THSD7B: variants seen among roughly 807,000 people sequenced by gnomAD.
THSD7B encodes thrombospondin type 1 domain containing 7B.
THSD7B carries 138 observed loss-of-function variants against 213.6 expected under a neutral mutation model. That is an observed-to-expected ratio of 0.65 (90% CI 0.56 to 0.74). The LOEUF is 0.74. Among genes scored for constraint, THSD7B ranks in the 30% least tolerant of loss-of-function variants. The pLI is 0.00. For synonymous variants in THSD7B, 742 were observed against 687.0 expected (o/e 1.08, Z -1.25); for missense variants, 1,931 against 1,991.5 (o/e 0.97, Z 0.58).
chr2:137,558,883 A>C (rs1212640654), intron 15 of THSD7B, among the ~76,000 whole-genome samples: 5 of 152,232 alleles, frequency 3.3e-5, no homozygotes, highest in Non-Finnish European at 5.9e-5. Context: ...ATACAAAATC[A>C]GTGTGCAAAA....
chr2:137,008,950 TGCTTTGAC>T (rs1471001362), intron 2 of THSD7B, among the ~76,000 whole-genome samples: 2 of 152,216 alleles, frequency 1.3e-5, no homozygotes, highest in Admixed American at 6.5e-5. Flanking sequence ...GATATAAAAA[TGCTTTGAC>T]AGTCTCTAAA....
intron 1 of THSD7B, among the ~76,000 whole-genome samples, chr2:136,789,634 G>A (rs531209626): frequency 4.6e-5 from 7 of 152,182 alleles, no homozygotes; most frequent in Middle Eastern, 3.4e-3. Flanking sequence ...CAAGATGCTT[G>A]CAACCTGATC....
At chr2:137,153,419 G>C (rs1203437578) in intron 5 of THSD7B, among the ~76,000 whole-genome samples, 1 of 152,106 alleles carries the variant, frequency 6.6e-6, no homozygotes, top group Non-Finnish European at 1.5e-5. Context: ...TAAATCTGCT[G>C]TGCATATACA....
intron 2 of THSD7B, among the ~76,000 whole-genome samples, chr2:137,054,079 A>ATTTTTT (rs1687116783): frequency 6.6e-6 from 1 of 152,202 alleles, no homozygotes; most frequent in East Asian, 1.9e-4. Flanking sequence ...AGTAACAAGA[A>ATTTTTT]ACATCTCAAT....
intron 5 of THSD7B, among the ~76,000 whole-genome samples, chr2:137,140,823 A>C (rs929013178): frequency 6.6e-6 from 1 of 152,192 alleles, no homozygotes; most frequent in Non-Finnish European, 1.5e-5. Context: ...ATTTAACAAA[A>C]AAGGAATAAG....
intron 7 of THSD7B, among the ~76,000 whole-genome samples, chr2:137,214,723 G>A (rs1297555748): frequency 6.6e-6 from 1 of 152,052 alleles, no homozygotes; most frequent in Non-Finnish European, 1.5e-5. Context: ...GAGAAAGATG[G>A]TTTCCAGCTT....
chr2:137,075,215 A>C (rs1687593395), intron 3 of THSD7B, among the ~76,000 whole-genome samples: 1 of 152,198 alleles, frequency 6.6e-6, no homozygotes, highest in African/African-American at 2.4e-5. Flanking sequence ...CATCACTTTC[A>C]GGTACACCAG....
intron 25 of THSD7B, among the ~76,000 whole-genome samples, chr2:137,660,463 G>T (rs75075602): frequency 6.6e-6 from 1 of 152,142 alleles, no homozygotes; most frequent in East Asian, 1.9e-4. Context: ...CCTATTATTG[G>T]CCTTACAAAT....
chr2:137,404,632 A>C (rs888061768), intron 12 of THSD7B, among the ~76,000 whole-genome samples: 3 of 150,866 alleles, frequency 2.0e-5, no homozygotes, highest in Non-Finnish European at 2.9e-5. Context: ...ATATGATCGT[A>C]TATAGTGTAT....
chr2:137,587,169 C>T (rs1029672258), intron 17 of THSD7B, among the ~76,000 whole-genome samples: 1 of 152,210 alleles, frequency 6.6e-6, no homozygotes, highest in Non-Finnish European at 1.5e-5. Context: ...GTTCTCGTGC[C>T]ATGGTTTTCA....
chr2:137,510,742 GT>G (rs1679943724), intron 15 of THSD7B, among the ~76,000 whole-genome samples: 1 of 151,896 alleles, frequency 6.6e-6, no homozygotes, highest in South Asian at 2.1e-4. Context: ...TAATCATATA[GT>G]TTTCCTTTGT....
At chr2:137,176,057 A>G (rs1053286833) in intron 7 of THSD7B, among the ~76,000 whole-genome samples, 1 of 152,172 alleles carries the variant, frequency 6.6e-6, no homozygotes, top group Non-Finnish European at 1.5e-5. Context: ...GCTTTTGCTT[A>G]TAAGATATTC....
intron 9 of THSD7B, among the ~76,000 whole-genome samples, chr2:137,236,061 T>G (rs1411753752): frequency 6.6e-6 from 1 of 152,200 alleles, no homozygotes; most frequent in Non-Finnish European, 1.5e-5. Context: ...ATCAGCAATA[T>G]AAAGTATCCT....
intron 10 of THSD7B, among the ~76,000 whole-genome samples, chr2:137,252,266 CAAAAAAAAA>C (rs1182130976): frequency 1.7e-5 from 1 of 59,688 alleles, no homozygotes; most frequent in African/African-American, 6.9e-5. Flanking sequence ...GACTCTGTCT[CAAAAAAAAA>C]AAAAAAAAAA....
intron 6 of THSD7B, among the ~76,000 whole-genome samples, chr2:137,168,075 T>C (rs1680171759): frequency 6.6e-6 from 1 of 152,166 alleles, no homozygotes; most frequent in South Asian, 2.1e-4. Context: ...ACTTATAACA[T>C]AGTTTTGAGG....
intron 5 of THSD7B, among the ~76,000 whole-genome samples, chr2:137,131,645 C>G (rs2104954184): frequency 6.6e-6 from 1 of 152,236 alleles, no homozygotes; most frequent in African/African-American, 2.4e-5. Context: ...GAATCCTTTC[C>G]CCATTGCTTG....
intron 2 of THSD7B, among the ~76,000 whole-genome samples, chr2:136,931,681 A>T (rs1684629104): frequency 1.3e-5 from 2 of 152,184 alleles, no homozygotes; most frequent in South Asian, 4.1e-4. Context: ...AAAAGTGTTT[A>T]GTCAAACACT....
intron 10 of THSD7B, among the ~76,000 whole-genome samples, chr2:137,245,734 T>G (rs1682016595): frequency 6.6e-6 from 1 of 152,152 alleles, no homozygotes; most frequent in African/African-American, 2.4e-5. Context: ...GTGCATATAT[T>G]TTGAATGTAC....
intron 2 of THSD7B, among the ~76,000 whole-genome samples, chr2:136,939,876 C>T (rs1378161617): frequency 3.3e-5 from 5 of 152,076 alleles, no homozygotes; most frequent in African/African-American, 4.8e-5. Context: ...CCACCACCCC[C>T]CGACACACAC....
Sources: gnomAD v4.1 joint callset for allele counts (sites outside exome capture counted in the v4.1 genomes callset) on GRCh38, gnomAD v4.1.1 for gene constraint, MANE v1.5 for transcripts, NCBI Gene and HGNC (gene_info 2026-07-23, HGNC 2026-07-21) for gene names.